The following FSIP1 variants were observed in gnomAD, a reference collection of about 807,000 sequenced individuals.
FSIP1 encodes the protein fibrous sheath-interacting protein 1.
A neutral mutation model predicts 60.9 loss-of-function variants in FSIP1; 65 were observed. The ratio of observed to expected loss-of-function variants is 1.07; its 90% CI spans 0.87 to 1.31. The LOEUF is 1.31. FSIP1 is among the 40% of genes most tolerant of loss of function. The pLI, the probability that FSIP1 is intolerant of heterozygous loss-of-function variation, is 0.00. For synonymous variants in FSIP1, 209 were observed against 221.2 expected (o/e 0.94, Z 0.49); for missense variants, 675 against 665.5 (o/e 1.01, Z -0.16).
intron 2 of FSIP1, among the ~76,000 whole-genome samples, chr15:39,773,828 G>T (rs2140728504): frequency 6.6e-6 from 1 of 152,246 alleles, no homozygotes; most frequent in South Asian, 2.1e-4. Flanking sequence ...GAGAGACAGG[G>T]AATAGATCAG....
intron 5 of FSIP1, among the ~76,000 whole-genome samples, chr15:39,742,505 A>G (rs548910112): frequency 5.3e-5 from 8 of 152,224 alleles, no homozygotes; most frequent in Non-Finnish European, 8.8e-5. Flanking sequence ...CGGACACTGT[A>G]TATTTGCAAG....
intron 11 of FSIP1, among the ~76,000 whole-genome samples, chr15:39,609,089 G>A (rs1029305024): frequency 2.0e-5 from 3 of 152,214 alleles, no homozygotes; most frequent in South Asian, 2.1e-4. Context: ...ATTATCTCCC[G>A]GGAAACACTG....
chr15:39,711,621 T>A (rs2140549118), intron 10 of FSIP1, among the ~76,000 whole-genome samples: 1 of 150,938 alleles, frequency 6.6e-6, no homozygotes, highest in East Asian at 2.0e-4. Context: ...GTACTATCGT[T>A]ACCACTACAA....
intron 1 of FSIP1, among the ~76,000 whole-genome samples, chr15:39,777,297 G>C (rs114365894): frequency 6.6e-6 from 1 of 151,808 alleles, no homozygotes; most frequent in Non-Finnish European, 1.5e-5. Context: ...CCTCTCCCCC[G>C]TGGGGCTGCA....
intron 10 of FSIP1, among the ~76,000 whole-genome samples, chr15:39,621,706 T>TA (rs1566855799): frequency 1.3e-5 from 2 of 152,238 alleles, no homozygotes; most frequent in African/African-American, 2.4e-5. Context: ...AACTTTTATT[T>TA]ATTTAGCTCC....
chr15:39,734,741 G>A (rs1209360754), intron 8 of FSIP1, among the ~76,000 whole-genome samples: 2 of 152,102 alleles, frequency 1.3e-5, no homozygotes, highest in African/African-American at 4.8e-5. Context: ...AAAGTTTGAT[G>A]TCAGGAAAAG....
rs562849557 is a variant in FSIP1 at position 39,748,266 on chromosome 15, A to C, written c.560-6366T>G. Among the ~76,000 whole-genome samples the C allele has an allele frequency of 4.6e-5, 7 of 152,328 alleles. 1 individual carries two copies. The South Asian group carries it at 1.4e-3, about 32-fold the overall frequency. ...AATAAAAGCACAATTATACTGAAAGACCTTAACAGAACTCTCTAAGATGAA... is the reference window on the plus strand; with the variant it reads ...AATAAAAGCACAATTATACTGAAAGCCCTTAACAGAACTCTCTAAGATGAA... On this transcript the variant is annotated intron_variant, in intron 5 of 11. Coordinates refer to ENST00000350221, the MANE Select transcript of FSIP1 (RefSeq NM_152597.5).
At chr15:39,635,822 T>C (rs188184838) in intron 10 of FSIP1, among the ~76,000 whole-genome samples, 1 of 152,140 alleles carries the variant, frequency 6.6e-6, no homozygotes, top group Admixed American at 6.6e-5. Flanking sequence ...GTGCTGCTGC[T>C]TAAGCTCTAT....
intron 11 of FSIP1, 38 bp downstream of exon 11, chr15:39,617,697 A>C (rs955641149): frequency 6.4e-7 from 1 of 1,560,066 alleles, no homozygotes; most frequent in African/African-American, 1.4e-5. Flanking sequence ...GGTGCTTTTA[A>C]GAATTATTTA....
chr15:39,770,610 C>A lies in FSIP1; in HGVS notation c.127G>T (p.Val43Phe). The change falls in exon 3 of 12, where the codon GTC becomes TTC. Residue 43 changes from valine (V) to phenylalanine (F), a missense_variant and splice_region_variant. Physicochemically the swap from Val to Phe is conservative, Grantham distance 50. Transcript: ENST00000350221. ...GAGTTCAAGTTGCTTGCAGTATCGACCTAAAAATAATTTCAAAAAAAAAAC... is the reference window on the plus strand; with the variant it reads ...GAGTTCAAGTTGCTTGCAGTATCGAACTAAAAATAATTTCAAAAAAAAAAC... ...VLSTEPGSFK[V>F]DTASNLNSGK... 5 of 1,473,150 alleles carry A rather than the reference C, an allele frequency of 3.4e-6. No homozygotes were observed. The highest frequency in any genetic ancestry group is 2.5e-5 in the East Asian group (1 of 40,522). The allele number at this position is 1,473,150 out of a possible 1,614,324, so 91.3% of individuals were successfully genotyped here.
chr15:39,689,657 T>A (rs980920673), intron 10 of FSIP1, among the ~76,000 whole-genome samples: 2 of 152,218 alleles, frequency 1.3e-5, no homozygotes, highest in African/African-American at 4.8e-5. Context: ...TTTTAGGAAT[T>A]CTGTGCCAGG....
intron 10 of FSIP1, among the ~76,000 whole-genome samples, chr15:39,704,744 G>A (rs370298609): frequency 6.6e-6 from 1 of 152,178 alleles, no homozygotes; most frequent in Non-Finnish European, 1.5e-5. Context: ...CATTCTCTAA[G>A]CAGAAGGAAC....
chr15:39,693,594 C>G (rs529895061), intron 10 of FSIP1, among the ~76,000 whole-genome samples: 1 of 152,296 alleles, frequency 6.6e-6, no homozygotes, highest in Admixed American at 6.5e-5. Context: ...ATATTACTAC[C>G]TTTCTCAGTA....
chr15:39,616,146 A>G (rs1354689975), intron 11 of FSIP1, among the ~76,000 whole-genome samples: 8 of 152,214 alleles, frequency 5.3e-5, no homozygotes, highest in Admixed American at 5.2e-4. Context: ...AAATCCAAAT[A>G]TTTATATAGA....
intron 10 of FSIP1, among the ~76,000 whole-genome samples, chr15:39,631,254 G>T (rs1394285466): frequency 6.6e-6 from 1 of 152,176 alleles, no homozygotes; most frequent in African/African-American, 2.4e-5. Context: ...CCTAGGCCAT[G>T]GCCCATCCTA....
chr15:39,777,410 C>A (rs1438375628), intron 1 of FSIP1, among the ~76,000 whole-genome samples: 2 of 152,192 alleles, frequency 1.3e-5, no homozygotes, highest in Non-Finnish European at 2.9e-5. Context: ...GAGAACAAAA[C>A]CTACTTCCTT....
chr15:39,770,572 G>T lies in FSIP1; in HGVS notation c.165C>A (p.Asp55Glu). The change falls in exon 3 of 12, where the codon GAC becomes GAA. Residue 55 changes from aspartate to glutamate, a missense_variant. Physicochemically the swap from Asp to Glu is conservative, Grantham distance 45 (BLOSUM62 2). Coordinates refer to ENST00000350221, the MANE Select transcript of FSIP1 (RefSeq NM_152597.5). ...TCTCTGTATTACTGCTTTCGGAGTG[G>T]TCCTCTTTACCAGAGTTCAAGTTGC... ...TASNLNSGKE[D>E]HSESSNTENR... The T allele has an allele frequency of 6.3e-7, 1 of 1,580,732 alleles. No individual in the cohort carries two copies. The highest frequency in any genetic ancestry group is 8.6e-7 in the Non-Finnish European group (1 of 1,167,180).
rs148529869 is a variant in FSIP1, at chr15:39,651,046, G to A, written c.1189-32801C>T. Among the ~76,000 whole-genome samples the A allele has an allele frequency of 3.8e-3, 574 of 152,308 alleles. 5 individuals are homozygous for A. Among genetic ancestry groups the A allele is most frequent in the African/African-American group, 0.013 (548 of 41,568 alleles). On this transcript the variant is annotated intron_variant, in intron 10 of 11. Coordinates refer to ENST00000350221, the MANE Select transcript of FSIP1 (RefSeq NM_152597.5). ...GTAACTGGTCAGATGGAGTCCCAGA[G>A]GGCATGGGCCACAGAGAGAGGAAGT... is the stretch of plus-strand genomic sequence containing the variant.
At chr15:39,740,985 G>A (rs924817123) in intron 6 of FSIP1, among the ~76,000 whole-genome samples, 1 of 151,916 alleles carries the variant, frequency 6.6e-6, no homozygotes, top group Non-Finnish European at 1.5e-5. Flanking sequence ...TAACAATCAC[G>A]TAATTATCTT....
Sources: gnomAD v4.1 joint callset for allele counts (sites outside exome capture counted in the v4.1 genomes callset) on GRCh38, gnomAD v4.1.1 for gene constraint, MANE v1.5 for transcripts, NCBI Gene and HGNC (gene_info 2026-07-23, HGNC 2026-07-21) for gene names.